The following CCDC91 variants were observed in gnomAD, a reference collection of about 807,000 sequenced individuals.
CCDC91 encodes coiled-coil domain-containing protein 91.
In CCDC91, 48 loss-of-function variants were observed where a neutral mutation model predicts 63.2. The observed-to-expected ratio is 0.76, with a 90% confidence interval of 0.60 to 0.97. CCDC91 has a LOEUF of 0.97. CCDC91 is among the 50% of genes least tolerant of loss of function. CCDC91 has a pLI of 0.00. For missense variants in CCDC91, 500 were observed against 494.6 expected (o/e 1.01, Z -0.10); for synonymous variants, 167 against 165.8 (o/e 1.01, Z -0.06).
intron 7 of CCDC91, among the ~76,000 whole-genome samples, chr12:28,366,592 A>G (rs926589441): frequency 1.3e-5 from 2 of 152,186 alleles, no homozygotes; most frequent in Non-Finnish European, 2.9e-5. Context: ...TAGGACTTTA[A>G]TTCATGCTGG....
intron 1 of CCDC91, among the ~76,000 whole-genome samples, chr12:28,240,535 A>G: frequency 6.6e-6 from 1 of 152,204 alleles, no homozygotes; most frequent in East Asian, 1.9e-4. Flanking sequence ...TTGTAAAGCA[A>G]TTGAAGGAAA....
chr12:28,330,529 G>A (rs1180307730), intron 6 of CCDC91, among the ~76,000 whole-genome samples: 12 of 151,906 alleles, frequency 7.9e-5, no homozygotes, highest in African/African-American at 2.4e-4. Flanking sequence ...TGTCAGATGG[G>A]TAGATTGCAA....
intron 12 of CCDC91, among the ~76,000 whole-genome samples, chr12:28,501,252 G>T (rs1441772127): frequency 6.6e-6 from 1 of 151,906 alleles, no homozygotes; most frequent in Non-Finnish European, 1.5e-5. Flanking sequence ...TGTTGAACAG[G>T]AGTGGTGAGA....
intron 8 of CCDC91, among the ~76,000 whole-genome samples, chr12:28,441,459 G>A (rs1949204616): frequency 6.6e-6 from 1 of 152,002 alleles, no homozygotes; most frequent in South Asian, 2.1e-4. Flanking sequence ...CTATCTTCAG[G>A]AGAATGGGTA....
intron 1 of CCDC91, among the ~76,000 whole-genome samples, chr12:28,239,166 G>T (rs771680550): frequency 2.9e-4 from 44 of 151,522 alleles, no homozygotes; most frequent in Admixed American, 6.6e-4. Flanking sequence ...AAAAAATGTA[G>T]TGATAACACC....
chr12:28,267,779 AATATATAATT>A (rs1260813673), intron 3 of CCDC91, among the ~76,000 whole-genome samples: 29 of 70,084 alleles, frequency 4.1e-4, no homozygotes, highest in African/African-American at 1.5e-3. Flanking sequence ...TTATATTATT[AATATATAATT>A]ATATATAATT....
chr12:28,419,751 A>G (rs1043869907), intron 8 of CCDC91, among the ~76,000 whole-genome samples: 1 of 124,964 alleles, frequency 8.0e-6, no homozygotes, highest in African/African-American at 2.7e-5. Flanking sequence ...TTTTTAAATT[A>G]TCATTTTTTT....
intron 12 of CCDC91, among the ~76,000 whole-genome samples, chr12:28,535,295 T>C (rs1942062679): frequency 6.6e-6 from 1 of 152,168 alleles, no homozygotes; most frequent in Admixed American, 6.6e-5. Flanking sequence ...ATATAGGAAA[T>C]GAAGTGGCAA....
intron 12 of CCDC91, among the ~76,000 whole-genome samples, chr12:28,546,661 C>A (rs981973765): frequency 6.6e-6 from 1 of 151,852 alleles, no homozygotes; most frequent in African/African-American, 2.4e-5. Flanking sequence ...ATCTTAATGT[C>A]TGTGAATATA....
intron 1 of CCDC91, among the ~76,000 whole-genome samples, chr12:28,253,546 T>C (rs536601029): frequency 6.6e-6 from 1 of 152,342 alleles, no homozygotes; most frequent in East Asian, 1.9e-4. Context: ...TGACTTTCAG[T>C]ACCTCCCATT....
chr12:28,444,602 C>G (rs1367020906), intron 8 of CCDC91, among the ~76,000 whole-genome samples: 1 of 152,102 alleles, frequency 6.6e-6, no homozygotes, highest in African/African-American at 2.4e-5. Flanking sequence ...ACAACACATT[C>G]TCACTTACAA....
chr12:28,391,546 C>CA, intron 8 of CCDC91, 135 bp downstream of exon 8: 1 of 517,568 alleles, frequency 1.9e-6, no homozygotes, highest in South Asian at 3.6e-5. Flanking sequence ...TATGTAAACT[C>CA]AAAGATTGAG....
At chr12:28,304,416 G>GAAAAA (rs1176555879) in intron 3 of CCDC91, among the ~76,000 whole-genome samples, 84 of 93,032 alleles carry the variant, frequency 9.0e-4, no homozygotes, top group African/African-American at 2.9e-3. Flanking sequence ...AAAAAAAAAA[G>GAAAAA]AAAAAAAGAA....
At chr12:28,279,670 T>C (rs1191710677) in intron 3 of CCDC91, among the ~76,000 whole-genome samples, 1 of 152,074 alleles carries the variant, frequency 6.6e-6, no homozygotes, top group African/African-American at 2.4e-5. Flanking sequence ...AATTTCCCTA[T>C]ATTAAATCTT....
At chr12:28,547,276 A>G (rs1943056015) in intron 12 of CCDC91, among the ~76,000 whole-genome samples, 1 of 152,112 alleles carries the variant, frequency 6.6e-6, no homozygotes, top group African/African-American at 2.4e-5. Flanking sequence ...TTAGATTTCA[A>G]TCTGTTTTAC....
intron 11 of CCDC91, among the ~76,000 whole-genome samples, chr12:28,460,069 A>C (rs1950232663): frequency 6.6e-6 from 1 of 152,158 alleles, no homozygotes; most frequent in Admixed American, 6.6e-5. Context: ...ATTTGAGCCA[A>C]GCTCTTCAGA....
At position 28,391,456 on chromosome 12, in the gene CCDC91, A is replaced by G. The variant is rs745372993; in HGVS notation, c.762+45A>G. The G allele has an allele frequency of 7.7e-6, 9 of 1,173,938 alleles. No individual in the cohort carries two copies. In the South Asian group the frequency reaches 1.1e-4, roughly 15 times the overall value. The allele number at this position is 1,173,938 out of a possible 1,614,324, so 72.7% of individuals were successfully genotyped here. A position where few individuals can be genotyped will look rare whatever the true frequency, so the allele number is the denominator to read the frequency against. On this transcript the variant is annotated intron_variant, in intron 8 of 12. Coordinates refer to ENST00000536442, the MANE Select transcript of CCDC91 (RefSeq NM_018318.5). ...ATTATATATTTATACTTTTCCCCTG[A>G]CTCTCTCCCCTGAGAGCTCTATAAC...
chr12:28,355,238 C>T (rs1323042748), intron 6 of CCDC91, among the ~76,000 whole-genome samples: 5 of 152,100 alleles, frequency 3.3e-5, no homozygotes, highest in African/African-American at 1.2e-4. Context: ...TAAACTGAAT[C>T]TGATGCAAAG....
intron 8 of CCDC91, among the ~76,000 whole-genome samples, chr12:28,449,261 A>G (rs1374198484): frequency 6.6e-6 from 1 of 152,086 alleles, no homozygotes; most frequent in East Asian, 1.9e-4. Context: ...AAAGACACAA[A>G]TCTATTTTAA....
Sources: allele counts gnomAD v4.1 joint callset (sites outside exome capture counted in the v4.1 genomes callset), GRCh38; gene constraint gnomAD v4.1.1; transcripts MANE v1.5; gene names NCBI Gene and HGNC (gene_info 2026-07-23, HGNC 2026-07-21).